Variants in TMTC2 observed in about 807,000 individuals in gnomAD.
TMTC2 encodes protein O-mannosyl-transferase TMTC2.
TMTC2 carries 43 observed loss-of-function variants against 82.4 expected under a neutral mutation model. The observed-to-expected ratio is 0.52, with a 90% CI of 0.41 to 0.67. The LOEUF (loss-of-function observed/expected upper bound fraction) is 0.67, where lower values mean the gene tolerates loss of function less well. Among genes scored for constraint, TMTC2 ranks in the 30% least tolerant of loss-of-function variants. The pLI, the probability that TMTC2 is intolerant of heterozygous loss-of-function variation, is 0.00. For synonymous variants in TMTC2, 408 were observed against 381.9 expected, an observed-to-expected ratio of 1.07 and a Z score of -0.80; for missense variants, 919 against 1,012.4, an observed-to-expected ratio of 0.91 and a Z score of 1.25.
intron 3 of TMTC2, among the ~76,000 whole-genome samples, chr12:82,909,174 C>G (rs1874488612): frequency 6.6e-6 from 1 of 152,104 alleles, no homozygotes; most frequent in Non-Finnish European, 1.5e-5. Flanking sequence ...AAGTCTGTTT[C>G]CTTTCAGGCA....
At chr12:82,951,288 G>A (rs1877330402) in intron 4 of TMTC2, among the ~76,000 whole-genome samples, 1 of 101,670 alleles carries the variant, frequency 9.8e-6, no homozygotes. Context: ...ACCCTTCCCA[G>A]TGGAATTTAA....
intron 1 of TMTC2, among the ~76,000 whole-genome samples, chr12:82,713,581 CCT>C (rs1310413361): frequency 2.0e-5 from 3 of 152,072 alleles, no homozygotes; most frequent in Non-Finnish European, 4.4e-5. Context: ...CAGGGAGACC[CCT>C]GTTTTTGAAC....
intron 11 of TMTC2, among the ~76,000 whole-genome samples, chr12:83,076,762 C>T (rs914765207): frequency 6.6e-6 from 1 of 152,194 alleles, no homozygotes; most frequent in Non-Finnish European, 1.5e-5. Flanking sequence ...ATGTCTAAGT[C>T]TTTGTTCTCT....
Position 82,843,918 on chromosome 12 carries a change from A to T in TMTC2, c.84-13092A>T, listed in dbSNP as rs1270315480. ...AGCCATGATCACACCACTGCACTCC[A>T]GCCTGGGCGACAGAGTGAGACTCGG... On this transcript the variant is annotated intron_variant, in intron 1 of 11. Coordinates refer to ENST00000321196, the MANE Select transcript of TMTC2 (RefSeq NM_152588.3). Among the ~76,000 whole-genome samples, 5 of 152,202 alleles carry T rather than the reference A, an allele frequency of 3.3e-5. No individual in the cohort carries two copies. In the East Asian group the frequency reaches 9.6e-4, roughly 29 times the overall value.
At chr12:82,731,255 C>T (rs1874794986) in intron 1 of TMTC2, among the ~76,000 whole-genome samples, 1 of 152,228 alleles carries the variant, frequency 6.6e-6, no homozygotes, top group Non-Finnish European at 1.5e-5. Flanking sequence ...TGTTGCGTAA[C>T]CTAACAGGCT....
At chr12:83,116,780 AT>A (rs35463879) in intron 11 of TMTC2, among the ~76,000 whole-genome samples, 1 of 150,284 alleles carries the variant, frequency 6.7e-6, no homozygotes, top group African/African-American at 2.4e-5. Context: ...TTTTGATGGG[AT>A]TTTTTTTTCT....
Position 82,965,119 on chromosome 12 carries a change from A to T in TMTC2, c.1684+10A>T, listed in dbSNP as rs1210533217. ...AGGCCTACCCTGGCTTGTAAGTAAT[A>T]CTCAAGTGTTTATTTTTTTATACCT... On this transcript the variant is annotated intron_variant, in intron 5 of 11. Coordinates refer to ENST00000321196, the MANE Select transcript of TMTC2 (RefSeq NM_152588.3). 2 of 1,585,482 alleles carry T rather than the reference A, an allele frequency of 1.3e-6. No individual in the cohort carries two copies. The highest frequency in any genetic ancestry group is 1.8e-5 in the Admixed American group (1 of 57,072).
intron 1 of TMTC2, among the ~76,000 whole-genome samples, chr12:82,773,669 C>G (rs1419951710): frequency 1.3e-5 from 2 of 151,914 alleles, no homozygotes; most frequent in Non-Finnish European, 2.9e-5. Context: ...CCATGTTGGT[C>G]AGGCTGCTCT....
intron 8 of TMTC2, among the ~76,000 whole-genome samples, chr12:82,994,450 T>C (rs1879529153): frequency 6.6e-6 from 1 of 152,174 alleles, no homozygotes; most frequent in African/African-American, 2.4e-5. Flanking sequence ...TTTATTGTTG[T>C]TATTTAACTT....
Position 82,904,785 on chromosome 12 carries a change from C to T in TMTC2, c.1483+8139C>T, listed in dbSNP as rs80232819. 9.5e-3 allele frequency among the ~76,000 whole-genome samples: 1,447 copies of T among 152,208 alleles called. 36 individuals are homozygous for T. The East Asian group carries it at 0.097, about 10-fold the overall frequency. On this transcript the variant is annotated intron_variant, in intron 3 of 11. Coordinates refer to ENST00000321196, the MANE Select transcript of TMTC2 (RefSeq NM_152588.3). The stretch of plus-strand genomic sequence containing the variant: ...ATTACAAAGCAGTTAAATGTGTGAT[C>T]ACCCTTTTTGCTGTGGCCTCCTCTA...
chr12:83,029,530 A>G (rs906251227), intron 8 of TMTC2, among the ~76,000 whole-genome samples: 15 of 152,190 alleles, frequency 9.9e-5, no homozygotes, highest in Admixed American at 9.8e-4. Context: ...AGAAAAAAAC[A>G]TTGCCTGAAG....
At chr12:83,107,175 A>C (rs1196169607) in intron 11 of TMTC2, among the ~76,000 whole-genome samples, 1 of 152,228 alleles carries the variant, frequency 6.6e-6, no homozygotes, top group Non-Finnish European at 1.5e-5. Context: ...GCTCAGTGGA[A>C]GTATGATCTT....
intron 1 of TMTC2, among the ~76,000 whole-genome samples, chr12:82,700,339 A>G (rs1348688041): frequency 1.3e-5 from 2 of 152,224 alleles, no homozygotes; most frequent in African/African-American, 4.8e-5. Context: ...ATTATTCATT[A>G]ATGGTATTGT....
At chr12:82,725,372 T>A (rs751210847) in intron 1 of TMTC2, among the ~76,000 whole-genome samples, 2 of 152,224 alleles carry the variant, frequency 1.3e-5, no homozygotes, top group Non-Finnish European at 2.9e-5. Flanking sequence ...TTATTTTTAA[T>A]ATTAATTTTT....
At chr12:83,009,645 A>C (rs745156) in intron 8 of TMTC2, among the ~76,000 whole-genome samples, 119,332 of 150,204 alleles carry the variant, frequency 0.79, 47,902 homozygotes, top group South Asian at 0.93. Context: ...TTTTTCCCCC[A>C]AAAAAACACT....
chr12:82,788,909 T>C (rs2137019549), intron 1 of TMTC2, among the ~76,000 whole-genome samples: 1 of 152,238 alleles, frequency 6.6e-6, no homozygotes, highest in East Asian at 1.9e-4. Context: ...CTCATGCCTG[T>C]CATCTCAGCA....
Position 82,976,453 on chromosome 12 carries a change from A to G in TMTC2, c.1948+9456A>G, listed in dbSNP as rs571031253. On this transcript the variant is annotated intron_variant, in intron 7 of 11. Coordinates refer to ENST00000321196, the MANE Select transcript of TMTC2 (RefSeq NM_152588.3). ...TCTTTCCTGTGTTTGCTTCAAAACT[A>G]CACTTTCAGACTTCAAGAGTTTCCC... Among the ~76,000 whole-genome samples the G allele has an allele frequency of 5.9e-5, 9 of 152,234 alleles. No homozygotes were observed. In the East Asian group the frequency reaches 9.6e-4, roughly 16 times the overall value.
At chr12:82,949,029 G>C (rs774678186) in intron 4 of TMTC2, among the ~76,000 whole-genome samples, 5 of 152,012 alleles carry the variant, frequency 3.3e-5, no homozygotes, top group African/African-American at 2.4e-5. Flanking sequence ...CCTCCATAAT[G>C]GTACTTTCAA....
At chr12:82,929,719 G>A (rs1025174261) in intron 3 of TMTC2, among the ~76,000 whole-genome samples, 2 of 152,088 alleles carry the variant, frequency 1.3e-5, no homozygotes, top group East Asian at 1.9e-4. Context: ...TGAGGGCAAG[G>A]TTCACTGGAG....
Sources: gnomAD v4.1 joint callset for allele counts (sites outside exome capture counted in the v4.1 genomes callset) on GRCh38, gnomAD v4.1.1 for gene constraint, MANE v1.5 for transcripts, NCBI Gene and HGNC (gene_info 2026-07-23, HGNC 2026-07-21) for gene names.